VMP1: variants seen among roughly 807,000 people sequenced by gnomAD.
VMP1 encodes the protein vacuole membrane protein 1.
VMP1 carries 11 observed loss-of-function variants against 56.0 expected under a neutral mutation model. The observed-to-expected ratio is 0.20, with a 90% CI of 0.12 to 0.32. The LOEUF is 0.32. Among genes scored for constraint, VMP1 ranks in the 10% least tolerant of loss-of-function variants. The pLI, the probability that VMP1 is intolerant of heterozygous loss-of-function variation, is 1.00. For missense variants in VMP1, 296 were observed against 490.3 expected (o/e 0.60, Z 3.74); for synonymous variants, 149 against 165.0 (o/e 0.90, Z 0.74).
At chr17:59,744,729 A>G (rs2035362194) in intron 5 of VMP1, among the ~76,000 whole-genome samples, 2 of 151,830 alleles carry the variant, frequency 1.3e-5, no homozygotes, top group African/African-American at 4.8e-5. Context: ...CTTGGGGAGA[A>G]ATCTGTTAAA....
chr17:59,786,770 T>C (rs2037021080), intron 7 of VMP1, among the ~76,000 whole-genome samples: 1 of 152,216 alleles, frequency 6.6e-6, no homozygotes, highest in Non-Finnish European at 1.5e-5. Context: ...TTGCAGTAAC[T>C]GTTATGGTTT....
At chr17:59,797,874 C>G (rs898213614) in intron 7 of VMP1, among the ~76,000 whole-genome samples, 2 of 152,030 alleles carry the variant, frequency 1.3e-5, no homozygotes, top group Non-Finnish European at 2.9e-5. Flanking sequence ...AACACCATCT[C>G]AAAAAAGTAA....
chr17:59,768,895 C>T (rs1471991959), intron 6 of VMP1, among the ~76,000 whole-genome samples: 5 of 151,450 alleles, frequency 3.3e-5, no homozygotes, highest in Admixed American at 2.0e-4. Flanking sequence ...CTGAGGCAGG[C>T]GGCTCACTTG....
intron 1 of VMP1, among the ~76,000 whole-genome samples, chr17:59,711,482 G>C (rs1470285079): frequency 6.6e-6 from 1 of 152,132 alleles, no homozygotes; most frequent in African/African-American, 2.4e-5. Context: ...TCGTGGTTTT[G>C]TAAATTGTTA....
At chr17:59,767,995 A>G (rs747079333) in intron 6 of VMP1, among the ~76,000 whole-genome samples, 15 of 151,900 alleles carry the variant, frequency 9.9e-5, no homozygotes, top group Non-Finnish European at 1.6e-4. Flanking sequence ...CTGTATTCTC[A>G]GTGACTTGGG....
chr17:59,714,653 G>A (rs558743298), intron 1 of VMP1, among the ~76,000 whole-genome samples: 1 of 151,998 alleles, frequency 6.6e-6, no homozygotes, highest in African/African-American at 2.4e-5. Context: ...GTTTTTGGTG[G>A]GGGGTGGGGG....
At chr17:59,812,259 T>C (rs2038076614) in intron 9 of VMP1, among the ~76,000 whole-genome samples, 1 of 152,202 alleles carries the variant, frequency 6.6e-6, no homozygotes, top group Admixed American at 6.5e-5. Flanking sequence ...TCCTCCCATG[T>C]TACCAATATC....
intron 5 of VMP1, among the ~76,000 whole-genome samples, chr17:59,750,005 A>G (rs1399658318): frequency 6.6e-6 from 1 of 152,188 alleles, no homozygotes; most frequent in Non-Finnish European, 1.5e-5. Flanking sequence ...TATGTTGAAT[A>G]TATTAATGTA....
intron 1 of VMP1, 119 bp from the exon 2 acceptor site, chr17:59,731,302 A>G (rs1313126406): frequency 7.4e-6 from 4 of 540,158 alleles, no homozygotes; most frequent in Non-Finnish European, 1.3e-5. Context: ...AAGTGTAAAC[A>G]CATCATACAT....
Position 59,752,227 on chromosome 17 carries a change from A to C in VMP1, c.415-12744A>C, listed in dbSNP as rs529805052. ...ACGAGAAAGCAATTATAGACAGTAC[A>C]TAAATGAGTGAATGCGGCCGTTTTC... On this transcript the variant is annotated intron_variant, in intron 5 of 11. Coordinates refer to ENST00000262291, the MANE Select transcript of VMP1 (RefSeq NM_030938.5). Among the ~76,000 whole-genome samples, 61 of 152,350 alleles carry C rather than the reference A, an allele frequency of 4.0e-4. 1 individual carries two copies. The South Asian group carries it at 0.012, about 29-fold the overall frequency.
intron 10 of VMP1, among the ~76,000 whole-genome samples, chr17:59,818,778 A>G (rs1365400725): frequency 6.6e-6 from 1 of 152,136 alleles, no homozygotes. Context: ...AATAAAACCA[A>G]AAGTTGTTAG....
chr17:59,775,501 T>C (rs1344631198), intron 7 of VMP1, among the ~76,000 whole-genome samples: 2 of 152,094 alleles, frequency 1.3e-5, no homozygotes, highest in African/African-American at 4.8e-5. Context: ...TTTTTATTTG[T>C]TGTAGAGACA....
rs1252181327 is a variant in VMP1 at position 59,842,083 on chromosome 17, T to A, written c.*2172T>A. ...CGGTGTGATACCCTTCTTTTTCAGC[T>A]GTTCGTGCCTTCCTTTCTTGTATCC... On this transcript the variant is annotated 3_prime_UTR_variant, in exon 12 of 12. Transcript: ENST00000262291. 3 of 152,206 alleles carry A rather than the reference T, an allele frequency of 2.0e-5. No homozygotes were observed. The highest frequency in any genetic ancestry group is 4.4e-5 in the Non-Finnish European group (3 of 68,030). 9.4% of individuals were successfully genotyped at this position (152,206 alleles called of 1,614,324 possible).
intron 7 of VMP1, among the ~76,000 whole-genome samples, chr17:59,807,493 G>A (rs754994153): frequency 2.2e-4 from 33 of 151,824 alleles, no homozygotes; most frequent in South Asian, 1.7e-3. Context: ...CACCGCGCCC[G>A]GCCGGATCTG....
At chr17:59,787,813 T>G (rs1238996153) in intron 7 of VMP1, among the ~76,000 whole-genome samples, 1 of 152,076 alleles carries the variant, frequency 6.6e-6, no homozygotes, top group Non-Finnish European at 1.5e-5. Flanking sequence ...AGAGTGAACT[T>G]TGTCTCAAAA....
chr17:59,721,515 A>G (rs901085912), intron 1 of VMP1, among the ~76,000 whole-genome samples: 1 of 152,234 alleles, frequency 6.6e-6, no homozygotes, highest in Non-Finnish European at 1.5e-5. Context: ...TTAACAGGGT[A>G]TGTTGATGCT....
intron 7 of VMP1, among the ~76,000 whole-genome samples, chr17:59,802,659 G>A (rs1408821798): frequency 4.6e-5 from 7 of 152,034 alleles, no homozygotes; most frequent in African/African-American, 7.3e-5. Context: ...TCCGCCTCCC[G>A]GGTTCAAGCG....
rs1362924059 is a variant in VMP1 at position 59,801,058 on chromosome 17, C to T, written c.715-7738C>T. 3.2e-5 allele frequency among the ~76,000 whole-genome samples: 4 copies of T among 125,956 alleles called. No individual in the cohort carries two copies. In the East Asian group the frequency reaches 6.9e-4, roughly 22 times the overall value. 82.6% of individuals were successfully genotyped at this position (125,956 alleles called of 152,430 possible). On this transcript the variant is annotated intron_variant, in intron 7 of 11. Coordinates refer to ENST00000262291, the MANE Select transcript of VMP1 (RefSeq NM_030938.5). ...TCGTGCCATTGCACCCCATCCTGGG[C>T]GACAGAGCAAGACTCCATCTCGAAA...
chr17:59,726,291 G>GTTTTT (rs541555827), intron 1 of VMP1, among the ~76,000 whole-genome samples: 1 of 145,058 alleles, frequency 6.9e-6, no homozygotes. Context: ...AGTTTTTTTT[G>GTTTTT]TTTTTTTTTT....
Sources: allele counts gnomAD v4.1 joint callset (sites outside exome capture counted in the v4.1 genomes callset), GRCh38; gene constraint gnomAD v4.1.1; transcripts MANE v1.5; gene names NCBI Gene and HGNC (gene_info 2026-07-23, HGNC 2026-07-21).